The following SNED1 variants were observed in gnomAD, a reference collection of about 807,000 sequenced individuals.
The protein encoded by SNED1 is sushi, nidogen and EGF-like domain-containing protein 1.
A neutral mutation model predicts 166.7 loss-of-function variants in SNED1; 81 were observed. That is an observed-to-expected ratio of 0.49 (90% CI 0.41 to 0.58). The LOEUF is 0.58. Ranked by LOEUF, SNED1 falls within the 20% of genes least tolerant of loss-of-function variation. SNED1 has a pLI of 0.00. For synonymous variants in SNED1, 762 were observed against 822.0 expected, an observed-to-expected ratio of 0.93 and a Z score of 1.25; for missense variants, 1,604 against 2,000.2, an observed-to-expected ratio of 0.80 and a Z score of 3.78.
intron 1 of SNED1, among the ~76,000 whole-genome samples, chr2:241,001,089 C>G (rs1011869205): frequency 1.3e-5 from 2 of 152,238 alleles, no homozygotes; most frequent in African/African-American, 4.8e-5. Context: ...TGGCCCTTGT[C>G]CAGCTCCAGT....
intron 6 of SNED1, among the ~76,000 whole-genome samples, chr2:241,039,101 C>T (rs969691088): frequency 1.1e-4 from 16 of 152,194 alleles, no homozygotes; most frequent in African/African-American, 3.1e-4. Context: ...CAAGCCTTCC[C>T]GCCTCGACCC....
intron 9 of SNED1, 96 bp from the exon 10 acceptor site, chr2:241,048,566 G>A (rs1374845974): frequency 5.3e-6 from 8 of 1,497,902 alleles, no homozygotes; most frequent in Non-Finnish European, 7.2e-6. Flanking sequence ...ACTGCAATTT[G>A]TATGGGAAGT....
intron 1 of SNED1, among the ~76,000 whole-genome samples, chr2:241,000,385 C>G (rs961935775): frequency 1.3e-5 from 2 of 152,246 alleles, no homozygotes; most frequent in Non-Finnish European, 2.9e-5. Flanking sequence ...GGTGCTACCC[C>G]CTGAAAGTCC....
In SNED1 at chr2:241,052,478, T is replaced by TCGGGGGTCAAG. The variant is rs2061873788; in HGVS notation, c.2083+11_2083+12insGGGGGTCAAGC. 6.2e-4 allele frequency: 924 copies of TCGGGGGTCAAG among 1,484,472 alleles called. 63 individuals are homozygous for TCGGGGGTCAAG. The South Asian group carries it at 6.9e-3, about 11-fold the overall frequency. 92.0% of individuals were successfully genotyped at this position (1,484,472 alleles called of 1,614,324 possible). On this transcript the variant is annotated intron_variant, in intron 15 of 31. Coordinates refer to ENST00000310397, the MANE Select transcript of SNED1 (RefSeq NM_001080437.3). ...CGCCGGTGCCAGGCAGGTGAGAGGG[T>TCGGGGGTCAAG]CAGGGGGATCAAGCAGGGTACATGG... is the stretch of plus-strand genomic sequence containing the variant.
chr2:241,033,601 C>A, intron 2 of SNED1, 134 bp from the exon 3 acceptor site: 1 of 1,043,674 alleles, frequency 9.6e-7, no homozygotes, highest in Non-Finnish European at 1.4e-6. Flanking sequence ...GCTGCCCGTC[C>A]AGCTGGAAGA....
At chr2:241,008,399 C>T (rs1197183837) in intron 1 of SNED1, among the ~76,000 whole-genome samples, 1 of 152,256 alleles carries the variant, frequency 6.6e-6, no homozygotes, top group East Asian at 1.9e-4. Context: ...CAAGCTGCCC[C>T]CACAGGGTCC....
rs1275732042 is a variant in SNED1 at position 241,068,591 on chromosome 2, C to T, written c.3195-320C>T. ...TACATCAACTCACCTGTGCTGAGGG[C>T]CCGTCCCCCATCCCTGCACAGTGAC... On this transcript the variant is annotated intron_variant, in intron 22 of 31. Coordinates refer to ENST00000310397, the MANE Select transcript of SNED1 (RefSeq NM_001080437.3). The surrounding 1 kb of genome is among the most constrained non-coding windows in gnomAD (Gnocchi z 5.3). Among the ~76,000 whole-genome samples the T allele has an allele frequency of 2.0e-5, 3 of 152,046 alleles. No homozygotes were observed. The highest frequency in any genetic ancestry group is 7.2e-5 in the African/African-American group (3 of 41,388).
chr2:241,077,032 TTG>T (rs2063058389), intron 27 of SNED1, among the ~76,000 whole-genome samples: 1 of 151,668 alleles, frequency 6.6e-6, no homozygotes, highest in East Asian at 1.9e-4. Flanking sequence ...TGAGCTGAGA[TTG>T]CGCCACTGCA....
At chr2:241,080,273 G>A (rs536261443) in intron 27 of SNED1, among the ~76,000 whole-genome samples, 1 of 152,274 alleles carries the variant, frequency 6.6e-6, no homozygotes, top group African/African-American at 2.4e-5. Context: ...AACAGAGCAA[G>A]ACTCCATCTC....
chr2:241,067,299 C>T (rs1289387196), intron 21 of SNED1, among the ~76,000 whole-genome samples: 1 of 152,218 alleles, frequency 6.6e-6, no homozygotes, highest in Admixed American at 6.5e-5. Context: ...GCGGAGCTCA[C>T]AAGTGGCCCC....
At chr2:241,000,881 G>A (rs1337000661) in intron 1 of SNED1, among the ~76,000 whole-genome samples, 1 of 152,214 alleles carries the variant, frequency 6.6e-6, no homozygotes, top group African/African-American at 2.4e-5. Flanking sequence ...TTGAGGCTGC[G>A]TTGCCCAGGA....
At position 241,051,732 on chromosome 2, in the gene SNED1, C is replaced by T; in HGVS notation, c.1736-12C>T. On this transcript the variant is annotated splice_polypyrimidine_tract_variant and intron_variant, in intron 12 of 31. Coordinates refer to ENST00000310397, the MANE Select transcript of SNED1 (RefSeq NM_001080437.3). This position sits in a 1 kb window ranked among gnomAD's most constrained non-coding sequence, Gnocchi z 4.7. ...TGGCCCCGTTCATCTGCCTCTCTGT[C>T]CTTCCACACAGCCCGGCCACACCTG... 1.4e-6 allele frequency: 2 copies of T among 1,470,886 alleles called. No homozygotes were observed. Among genetic ancestry groups the T allele is most frequent in the Middle Eastern group, 1.8e-4 (1 of 5,622 alleles). 91.1% of individuals were successfully genotyped at this position (1,470,886 alleles called of 1,614,324 possible).
chr2:241,023,618 CCAT>C (rs1486754670), intron 1 of SNED1, among the ~76,000 whole-genome samples: 2 of 152,132 alleles, frequency 1.3e-5, no homozygotes, highest in Non-Finnish European at 2.9e-5. Context: ...GAGTATCCCA[CCAT>C]GATTGTGAGT....
At chr2:241,036,075 G>GGGGTGGA in intron 4 of SNED1, among the ~76,000 whole-genome samples, 1 of 115,618 alleles carries the variant, frequency 8.6e-6, no homozygotes, top group Non-Finnish European at 1.8e-5. Flanking sequence ...TGGGGGGTGG[G>GGGGTGGA]GGGTGGAGGC....
Position 241,068,341 on chromosome 2 carries a change from C to T in SNED1, c.3194+394C>T, listed in dbSNP as rs1244840055. On this transcript the variant is annotated intron_variant, in intron 22 of 31. Transcript: ENST00000310397. This position sits in a 1 kb window ranked among gnomAD's most constrained non-coding sequence, Gnocchi z 5.3. ...CCACAGTGGACCCCTCAGAGAGCAG[C>T]GGCCAGCGAGGGTAGATGGTAGCAG... Among the ~76,000 whole-genome samples, 4 of 151,322 alleles carry T rather than the reference C, an allele frequency of 2.6e-5. No individual in the cohort carries two copies. The East Asian group carries it at 7.8e-4, about 29-fold the overall frequency.
chr2:241,023,289 C>T (rs35020043), intron 1 of SNED1, among the ~76,000 whole-genome samples: 54,155 of 151,936 alleles, frequency 0.36, 9,858 homozygotes, highest in Middle Eastern at 0.46. Flanking sequence ...ATTTTTGTTA[C>T]ATTTCTTTAT....
chr2:241,086,565 C>A (rs1419091302), intron 29 of SNED1, among the ~76,000 whole-genome samples: 1 of 152,246 alleles, frequency 6.6e-6, no homozygotes, highest in African/African-American at 2.4e-5. Flanking sequence ...TGTCTGTTTT[C>A]TAACATCTGA....
chr2:241,037,512 G>A (rs1458345853), intron 6 of SNED1, among the ~76,000 whole-genome samples, 159 bp downstream of exon 6: 3 of 152,332 alleles, frequency 2.0e-5, no homozygotes, highest in East Asian at 3.9e-4. Flanking sequence ...GAGCCCAGAT[G>A]CCCAGGGAAA....
At chr2:241,034,526 G>A (rs2125008379) in intron 3 of SNED1, 42 bp from the exon 4 acceptor site, 1 of 1,544,638 alleles carries the variant, frequency 6.5e-7, no homozygotes, top group Admixed American at 1.8e-5. Flanking sequence ...CTGTAGACCT[G>A]GGGAACTGGC....
Sources: allele counts gnomAD v4.1 joint callset (sites outside exome capture counted in the v4.1 genomes callset), GRCh38; gene constraint gnomAD v4.1.1; non-coding constraint Gnocchi (gnomAD v3.1); transcripts MANE v1.5; gene names NCBI Gene and HGNC (gene_info 2026-07-23, HGNC 2026-07-21).